Variants in KLF16 observed in about 807,000 individuals in gnomAD.
KLF16 encodes Krueppel-like factor 16.
A neutral mutation model predicts 6.1 loss-of-function variants in KLF16; 6 were observed. The ratio of observed to expected loss-of-function variants is 0.98; its 90% CI spans 0.54 to 1.93. The LOEUF (loss-of-function observed/expected upper bound fraction) is 1.93, where lower values mean the gene tolerates loss of function less well. Among genes scored for constraint, KLF16 ranks in the 30% most tolerant of loss-of-function variants. The pLI is 0.01. For missense variants in KLF16, 355 were observed against 363.8 expected (o/e 0.98, Z 0.20); for synonymous variants, 211 against 176.5 (o/e 1.20, Z -1.55).
At chr19:1,874,386 T>G in the KLF16 span, among the ~76,000 whole-genome samples, 3 of 152,164 alleles carry the variant, frequency 2.0e-5, no homozygotes, top group African/African-American at 4.8e-5. Context: ...AATGCTTTTT[T>G]GGGAAATAAA....
chr19:1,859,971 T>A (rs564816475), intron 1 of KLF16, among the ~76,000 whole-genome samples: 2 of 151,886 alleles, frequency 1.3e-5, no homozygotes, highest in South Asian at 2.1e-4. Flanking sequence ...CAGAAAACGA[T>A]CAGGCCCCAA....
upstream of KLF16, among the ~76,000 whole-genome samples, chr19:1,868,484 T>A (rs867863960): frequency 0.37 from 30,980 of 82,756 alleles, 5,781 homozygotes; most frequent in African/African-American, 0.5. Context: ...TTTTTTTTTT[T>A]TTTTTTTTTT....
the KLF16 span, among the ~76,000 whole-genome samples, chr19:1,872,358 C>T: frequency 6.6e-6 from 1 of 152,224 alleles, no homozygotes; most frequent in African/African-American, 2.4e-5. Flanking sequence ...TCTCGACCTC[C>T]TGACCTCAGG....
chr19:1,867,846 G>A (rs1023413695), upstream of KLF16, among the ~76,000 whole-genome samples: 7 of 152,088 alleles, frequency 4.6e-5, no homozygotes, highest in Non-Finnish European at 1.0e-4. Flanking sequence ...CAGCCTGAGT[G>A]ACAGTGAGAC....
At chr19:1,854,953 G>C (rs951150029) in intron 1 of KLF16, among the ~76,000 whole-genome samples, 193 bp from the exon 2 acceptor site, 1 of 152,110 alleles carries the variant, frequency 6.6e-6, no homozygotes, top group Non-Finnish European at 1.5e-5. Context: ...CCCAACACGA[G>C]ACCCTAATAA....
intron 1 of KLF16, among the ~76,000 whole-genome samples, chr19:1,858,659 T>A (rs1188928706): frequency 6.6e-6 from 1 of 152,108 alleles, no homozygotes; most frequent in Non-Finnish European, 1.5e-5. Context: ...TCTTGAATAC[T>A]CCTGTCCTCC....
At chr19:1,869,484 A>C in the KLF16 span, among the ~76,000 whole-genome samples, 1 of 152,194 alleles carries the variant, frequency 6.6e-6, no homozygotes, top group African/African-American at 2.4e-5. Flanking sequence ...CAGCTCAATA[A>C]AAAAAGAAAA....
At chr19:1,869,137 G>C in the KLF16 span, among the ~76,000 whole-genome samples, 2 of 152,186 alleles carry the variant, frequency 1.3e-5, no homozygotes, top group Non-Finnish European at 2.9e-5. Context: ...CAGGAAGCTG[G>C]AACAGAGAGC....
chr19:1,861,003 C>T (rs2145368365), intron 1 of KLF16, among the ~76,000 whole-genome samples: 1 of 152,198 alleles, frequency 6.6e-6, no homozygotes, highest in South Asian at 2.1e-4. Context: ...CCCTCCCCCA[C>T]CACACAGGGT....
intron 1 of KLF16, among the ~76,000 whole-genome samples, chr19:1,859,246 C>T (rs529280633): frequency 8.7e-4 from 132 of 152,234 alleles, no homozygotes; most frequent in African/African-American, 3.0e-3. Flanking sequence ...GCTTCCCCCT[C>T]TGGGCCTCAG....
chr19:1,856,632 GAGCAGCCCTGGA>G (rs1227253170), intron 1 of KLF16, among the ~76,000 whole-genome samples: 1 of 152,198 alleles, frequency 6.6e-6, no homozygotes, highest in Admixed American at 6.5e-5. Context: ...AAGAGGCGCA[GAGCAGCCCTGGA>G]AGGGACCCCA....
the KLF16 span, among the ~76,000 whole-genome samples, chr19:1,870,006 C>A: frequency 2.1e-4 from 30 of 144,774 alleles, no homozygotes; most frequent in African/African-American, 7.7e-4. Flanking sequence ...AATCTCGGCT[C>A]ACTGCAACCT....
chr19:1,868,255 G>A (rs1022599630), upstream of KLF16, among the ~76,000 whole-genome samples: 1 of 152,172 alleles, frequency 6.6e-6, no homozygotes, highest in African/African-American at 2.4e-5. Flanking sequence ...AACAGGGCAG[G>A]GACAGGAGAC....
chr19:1,862,956 A>T, intron 1 of KLF16, 85 bp downstream of exon 1: 2 of 823,436 alleles, frequency 2.4e-6, no homozygotes, highest in Non-Finnish European at 3.1e-6. Context: ...CCCGCCCCCC[A>T]CGCGCCACGC....
At chr19:1,868,434 A>G (rs902131229), upstream of KLF16, among the ~76,000 whole-genome samples, 1 of 146,030 alleles carries the variant, frequency 6.8e-6, no homozygotes, top group African/African-American at 2.5e-5. Flanking sequence ...GTGTGACCTC[A>G]GGAAGACAGG....
At chr19:1,862,601 G>A (rs1395036344) in intron 1 of KLF16, among the ~76,000 whole-genome samples, 2 of 151,612 alleles carry the variant, frequency 1.3e-5, no homozygotes, top group Non-Finnish European at 2.9e-5. Flanking sequence ...GCGGCGACGC[G>A]GTTCCTCCTC....
the KLF16 span, among the ~76,000 whole-genome samples, chr19:1,871,305 C>T: frequency 3.9e-5 from 6 of 152,310 alleles, no homozygotes; most frequent in Admixed American, 1.3e-4. Flanking sequence ...CACCTCCGGA[C>T]AGGCCTGCAG....
chr19:1,864,832 C>T (rs1372502362), upstream of KLF16, among the ~76,000 whole-genome samples: 1 of 152,124 alleles, frequency 6.6e-6, no homozygotes, highest in East Asian at 1.9e-4. Context: ...AACTGGGCGG[C>T]CCCCCTCGGT....
chr19:1,868,284 G>A (rs1599199259), upstream of KLF16, among the ~76,000 whole-genome samples: 1 of 152,022 alleles, frequency 6.6e-6, no homozygotes, highest in African/African-American at 2.4e-5. Flanking sequence ...TGGGCCCCGG[G>A]ACATCCAGTG....
Sources: allele counts gnomAD v4.1 joint callset (sites outside exome capture counted in the v4.1 genomes callset), GRCh38; gene constraint gnomAD v4.1.1; transcripts MANE v1.5; gene names NCBI Gene and HGNC (gene_info 2026-07-23, HGNC 2026-07-21).